Variants in FLI1 observed in about 807,000 individuals in gnomAD.
The protein encoded by FLI1 is Fli-1 proto-oncogene, ETS transcription factor, also known as Friend leukemia integration 1 transcription factor.
Under a neutral mutation model 53.1 loss-of-function variants are expected in FLI1, and 13 were observed. That is an observed-to-expected ratio of 0.24 (90% CI 0.16 to 0.39). The LOEUF is 0.39. Ranked by LOEUF, FLI1 falls within the 10% of genes least tolerant of loss-of-function variation. The pLI, the probability that FLI1 is intolerant of heterozygous loss-of-function variation, is 1.00. For missense variants in FLI1, 424 were observed against 600.5 expected (o/e 0.71, Z 3.07); for synonymous variants, 244 against 236.7 (o/e 1.03, Z -0.28).
chr11:128,769,443 C>T (rs1031274029), intron 3 of FLI1, among the ~76,000 whole-genome samples: 3 of 152,118 alleles, frequency 2.0e-5, no homozygotes, highest in Non-Finnish European at 2.9e-5. Flanking sequence ...TGAGGTAGTC[C>T]GAAGGCATCT....
In FLI1 at chr11:128,751,831, T is replaced by G. The variant is rs1274614980; in HGVS notation, c.19-6284T>G. Among the ~76,000 whole-genome samples the G allele has an allele frequency of 3.8e-3, 489 of 127,634 alleles. 10 individuals are homozygous for G. Among genetic ancestry groups the G allele is most frequent in the African/African-American group, 0.015 (452 of 30,186 alleles). The allele number at this position is 127,634 out of a possible 152,430, so 83.7% of individuals were successfully genotyped here. A position where few individuals can be genotyped will look rare whatever the true frequency, so the allele number is the denominator to read the frequency against. On this transcript the variant is annotated intron_variant, in intron 1 of 8. Coordinates refer to ENST00000527786, the MANE Select transcript of FLI1 (RefSeq NM_002017.5). The stretch of plus-strand genomic sequence containing the variant: ...GCGTGGGTTTTTTTTTTTGGGTTTG[T>G]TTTTTTTTTTTTGTAGAGAAAGAGT...
intron 5 of FLI1, among the ~76,000 whole-genome samples, chr11:128,802,613 T>G (rs7951996): frequency 0.16 from 24,385 of 152,262 alleles, 2,216 homozygotes; most frequent in African/African-American, 0.25. Context: ...ATGTGAGGAC[T>G]GTAGCATTGA....
At chr11:128,761,681 A>C (rs571099350) in intron 2 of FLI1, among the ~76,000 whole-genome samples, 2 of 152,252 alleles carry the variant, frequency 1.3e-5, no homozygotes, top group African/African-American at 4.8e-5. Context: ...ATCCTCAAGC[A>C]CTTCAGGATA....
chr11:128,709,777 C>T lies in FLI1; in HGVS notation c.18+15501C>T, dbSNP rs182705069. 3.0e-3 allele frequency among the ~76,000 whole-genome samples: 464 copies of T among 152,298 alleles called. 1 individual carries two copies. The highest frequency in any genetic ancestry group is 7.4e-3 in the African/African-American group (308 of 41,562). On this transcript the variant is annotated intron_variant, in intron 1 of 8. Coordinates refer to ENST00000527786, the MANE Select transcript of FLI1 (RefSeq NM_002017.5). The stretch of plus-strand genomic sequence containing the variant: ...ATACCTATGGCTGCCTCCACCCATA[C>T]ATCTACGCCACCTCTTCTATTATCT...
At chr11:128,748,580 C>T (rs918757374) in intron 1 of FLI1, among the ~76,000 whole-genome samples, 1 of 151,950 alleles carries the variant, frequency 6.6e-6, no homozygotes, top group African/African-American at 2.4e-5. Context: ...TTGCGGTAAG[C>T]TGAGATCGCG....
intron 5 of FLI1, among the ~76,000 whole-genome samples, chr11:128,791,520 G>A (rs748960603): frequency 3.3e-5 from 5 of 152,186 alleles, no homozygotes; most frequent in African/African-American, 4.8e-5. Flanking sequence ...CTTCTGTCTT[G>A]TGAGACGGGA....
At chr11:128,711,828 T>C (rs751916075) in intron 1 of FLI1, among the ~76,000 whole-genome samples, 2 of 152,256 alleles carry the variant, frequency 1.3e-5, no homozygotes, top group Admixed American at 6.5e-5. Context: ...CCCAGATCCC[T>C]ATAACCGTTT....
intron 1 of FLI1, among the ~76,000 whole-genome samples, chr11:128,719,356 CGTGTGTGTGTGTGTGTGTGTGT>C (rs56336914): frequency 8.9e-5 from 13 of 145,304 alleles, no homozygotes; most frequent in South Asian, 4.4e-4. Context: ...CCCCTTTTCC[CGTGTGTGTGTGTGTGTGTGTGT>C]GTGTGTGTGT....
chr11:128,777,783 T>A (rs1591805125), intron 4 of FLI1, among the ~76,000 whole-genome samples: 2 of 152,188 alleles, frequency 1.3e-5, no homozygotes, highest in African/African-American at 4.8e-5. Flanking sequence ...GGGGCACTGG[T>A]GAATTCTATG....
chr11:128,801,529 C>CTT (rs1942637416), intron 5 of FLI1, among the ~76,000 whole-genome samples: 1 of 152,202 alleles, frequency 6.6e-6, no homozygotes, highest in Non-Finnish European at 1.5e-5. Context: ...TGGGAACAAG[C>CTT]TTTTAGCCTA....
intron 1 of FLI1, among the ~76,000 whole-genome samples, chr11:128,728,607 A>T (rs1183666036): frequency 6.6e-6 from 1 of 152,222 alleles, no homozygotes; most frequent in Non-Finnish European, 1.5e-5. Context: ...GTATGCCCTG[A>T]GTGTCCTTGT....
intron 5 of FLI1, among the ~76,000 whole-genome samples, chr11:128,786,938 G>A (rs1335440165): frequency 1.3e-5 from 2 of 152,172 alleles, no homozygotes. Context: ...AGCCTTTCAG[G>A]ACTGCCATTG....
intron 4 of FLI1, among the ~76,000 whole-genome samples, chr11:128,773,847 G>T (rs1941649859): frequency 6.6e-6 from 1 of 151,860 alleles, no homozygotes; most frequent in Admixed American, 6.6e-5. Flanking sequence ...TAGGATCACA[G>T]GAACACAGGT....
chr11:128,753,258 C>G (rs1940724170), intron 1 of FLI1, among the ~76,000 whole-genome samples: 1 of 152,212 alleles, frequency 6.6e-6, no homozygotes, highest in Non-Finnish European at 1.5e-5. Context: ...AAGAAGGAAC[C>G]CCAGAGCTGA....
At chr11:128,728,500 GAAC>G (rs1215869662) in intron 1 of FLI1, among the ~76,000 whole-genome samples, 3 of 152,340 alleles carry the variant, frequency 2.0e-5, no homozygotes, top group South Asian at 4.1e-4. Context: ...GACACTTTTT[GAAC>G]AACATTTCTT....
upstream of FLI1, among the ~76,000 whole-genome samples, chr11:128,691,241 G>T (rs561592419): frequency 1.3e-5 from 2 of 152,300 alleles, no homozygotes; most frequent in East Asian, 3.9e-4. Context: ...CATTAAACAG[G>T]GTAGACTTGT....
At chr11:128,784,258 TCC>T (rs1942016080) in intron 5 of FLI1, among the ~76,000 whole-genome samples, 1 of 93,904 alleles carries the variant, frequency 1.1e-5, no homozygotes, top group Non-Finnish European at 2.1e-5. Context: ...CTCCTCCTCC[TCC>T]TCCTCCTCCT....
At chr11:128,743,245 AT>A (rs1217986238) in intron 1 of FLI1, among the ~76,000 whole-genome samples, 1 of 152,102 alleles carries the variant, frequency 6.6e-6, no homozygotes, top group African/African-American at 2.4e-5. Context: ...GAATAAAAAA[AT>A]AAATTAGCTG....
intron 5 of FLI1, 59 bp from the exon 6 acceptor site, chr11:128,805,307 T>C (rs1942748212): frequency 2.0e-6 from 2 of 1,022,988 alleles, no homozygotes; most frequent in African/African-American, 1.6e-5. Flanking sequence ...ATAATGCTCA[T>C]GCAACTTTTC....
Sources: gnomAD v4.1 joint callset for allele counts (sites outside exome capture counted in the v4.1 genomes callset) on GRCh38, gnomAD v4.1.1 for gene constraint, MANE v1.5 for transcripts, NCBI Gene and HGNC (gene_info 2026-07-23, HGNC 2026-07-21) for gene names.